The following TENT2 variants were observed in gnomAD, a reference collection of about 807,000 sequenced individuals.
TENT2 encodes the protein poly(A) RNA polymerase GLD2.
TENT2 carries 44 observed loss-of-function variants against 72.2 expected under a neutral mutation model. The observed-to-expected ratio is 0.61, with a 90% CI of 0.48 to 0.78. The LOEUF (loss-of-function observed/expected upper bound fraction) is 0.78, where lower values mean the gene tolerates loss of function less well. Among genes scored for constraint, TENT2 ranks in the 30% least tolerant of loss-of-function variants. The probability of loss-of-function intolerance (pLI) is 0.00; values close to 1 mark genes in which losing one functional copy is unlikely to be tolerated. For missense variants in TENT2, 541 were observed against 569.6 expected, an observed-to-expected ratio of 0.95 and a Z score of 0.51; for synonymous variants, 212 against 192.5, an observed-to-expected ratio of 1.10 and a Z score of -0.84.
chr5:79,669,594 G>A (rs1166550542), intron 12 of TENT2, among the ~76,000 whole-genome samples: 1 of 152,110 alleles, frequency 6.6e-6, no homozygotes, highest in Middle Eastern at 3.2e-3. Flanking sequence ...AGAGAGTGGA[G>A]TTAGGAGTTA....
At chr5:79,621,848 A>G (rs1184802086) in intron 3 of TENT2, among the ~76,000 whole-genome samples, 1 of 152,144 alleles carries the variant, frequency 6.6e-6, no homozygotes, top group Non-Finnish European at 1.5e-5. Flanking sequence ...ATTAGAAGAT[A>G]TTCAGCATAT....
At chr5:79,683,457 C>T (rs1823807564) in intron 14 of TENT2, among the ~76,000 whole-genome samples, 1 of 152,028 alleles carries the variant, frequency 6.6e-6, no homozygotes, top group Non-Finnish European at 1.5e-5. Flanking sequence ...GTGCAGTGAG[C>T]TGTGATTGTG....
intron 11 of TENT2, among the ~76,000 whole-genome samples, chr5:79,659,553 A>AAAAATAT (rs1554086793): frequency 7.4e-5 from 2 of 26,856 alleles, no homozygotes; most frequent in Non-Finnish European, 5.6e-5. Flanking sequence ...AAAAAAAAAA[A>AAAAATAT]ATGTATATAT....
In TENT2 at chr5:79,649,132, C is replaced by G; in HGVS notation, c.969C>G (p.Ala323=). 1 of 1,613,382 alleles carries G rather than the reference C, an allele frequency of 6.2e-7. No homozygotes were observed. Among genetic ancestry groups the G allele is most frequent in the Non-Finnish European group, 8.5e-7 (1 of 1,179,592 alleles). ...KWASHHQIND[A]SRGTLSSYSL... is the part of the protein sequence containing the mutation. The stretch of plus-strand genomic sequence containing the variant: ...CAAGTCACCATCAGATAAATGATGC[C>G]AGTCGTGGTACTTTAAGCAGCTATA... The change falls in exon 10 of 15, where the codon GCC becomes GCG. Residue 323 remains alanine, a synonymous_variant. Coordinates refer to ENST00000453514, the MANE Select transcript of TENT2 (RefSeq NM_001114394.3).
intron 11 of TENT2, among the ~76,000 whole-genome samples, chr5:79,661,088 G>A (rs141445360): frequency 1.5e-3 from 235 of 152,236 alleles, no homozygotes; most frequent in African/African-American, 5.5e-3. Context: ...TGTATTTTAA[G>A]CTGTGTTGTT....
At chr5:79,639,895 A>G (rs538591884) in intron 4 of TENT2, among the ~76,000 whole-genome samples, 30 of 152,310 alleles carry the variant, frequency 2.0e-4, no homozygotes, top group African/African-American at 6.7e-4. Flanking sequence ...CATTTCAGAT[A>G]GGGAAATCAC....
In TENT2 at chr5:79,625,111, A is replaced by G. The variant is rs145148959; in HGVS notation, c.465+1622A>G. On this transcript the variant is annotated intron_variant, in intron 4 of 14. Coordinates refer to ENST00000453514, the MANE Select transcript of TENT2 (RefSeq NM_001114394.3). The stretch of plus-strand genomic sequence containing the variant: ...GCCATTCTAGTGGGTATGAAATGGT[A>G]TCTCATCATGTTTTGGATTTGCATT... 2.1e-3 allele frequency among the ~76,000 whole-genome samples: 326 copies of G among 152,280 alleles called. 3 individuals carry two copies. The highest frequency in any genetic ancestry group is 7.4e-3 in the African/African-American group (309 of 41,548).
chr5:79,647,634 T>A (rs910980879), intron 8 of TENT2, among the ~76,000 whole-genome samples: 1 of 152,198 alleles, frequency 6.6e-6, no homozygotes, highest in Non-Finnish European at 1.5e-5. Flanking sequence ...ATGGTAGATT[T>A]CAAATTTTAT....
chr5:79,676,225 T>G (rs2150833983), intron 12 of TENT2, among the ~76,000 whole-genome samples: 1 of 151,780 alleles, frequency 6.6e-6, no homozygotes, highest in East Asian at 1.9e-4. Context: ...TTTGACTTTA[T>G]TAGACTTGAA....
At chr5:79,614,771 T>C (rs940777716) in intron 1 of TENT2, among the ~76,000 whole-genome samples, 6 of 152,242 alleles carry the variant, frequency 3.9e-5, no homozygotes, top group African/African-American at 1.2e-4. Flanking sequence ...AGTTTTACTG[T>C]ATTTTGTGAA....
At chr5:79,632,323 C>T (rs1434732180) in intron 4 of TENT2, among the ~76,000 whole-genome samples, 1 of 152,072 alleles carries the variant, frequency 6.6e-6, no homozygotes, top group East Asian at 1.9e-4. Context: ...TAAATTTTTT[C>T]ATGAGTTTTT....
chr5:79,660,919 T>C (rs981727788), intron 11 of TENT2, among the ~76,000 whole-genome samples: 6 of 152,214 alleles, frequency 3.9e-5, no homozygotes, highest in Admixed American at 3.9e-4. Flanking sequence ...ACAGTGATAG[T>C]GATGATCCCG....
intron 4 of TENT2, among the ~76,000 whole-genome samples, chr5:79,637,798 C>CTTT (rs60911107): frequency 3.1e-4 from 38 of 122,394 alleles, no homozygotes; most frequent in African/African-American, 9.6e-4. Context: ...TCCTCTTTTG[C>CTTT]TTTTTTTTTT....
At chr5:79,662,298 G>T (rs952445017) in intron 11 of TENT2, among the ~76,000 whole-genome samples, 2 of 152,160 alleles carry the variant, frequency 1.3e-5, no homozygotes, top group African/African-American at 4.8e-5. Flanking sequence ...ATCCAAAAGT[G>T]TTGGCATTAA....
intron 10 of TENT2, among the ~76,000 whole-genome samples, chr5:79,650,663 G>A (rs1793162591): frequency 1.3e-5 from 2 of 152,064 alleles, no homozygotes; most frequent in Non-Finnish European, 1.5e-5. Context: ...CTGTGTTTCT[G>A]TACTGAGGAT....
intron 11 of TENT2, among the ~76,000 whole-genome samples, chr5:79,665,893 C>T (rs1807264477): frequency 6.6e-6 from 1 of 151,902 alleles, no homozygotes; most frequent in African/African-American, 2.4e-5. Flanking sequence ...AAGTTCTGAA[C>T]CCCCTTGTCC....
chr5:79,673,890 A>G (rs1262621680), intron 12 of TENT2, among the ~76,000 whole-genome samples: 1 of 152,184 alleles, frequency 6.6e-6, no homozygotes, highest in Non-Finnish European at 1.5e-5. Context: ...GAATATATAG[A>G]TGGAAAAGAG....
intron 3 of TENT2, among the ~76,000 whole-genome samples, chr5:79,621,578 G>A (rs539069760): frequency 6.6e-6 from 1 of 151,896 alleles, no homozygotes; most frequent in East Asian, 1.9e-4. Flanking sequence ...CTAACACAGT[G>A]AAACCCCATC....
rs1756352539 is a variant in TENT2 at position 79,612,955 on chromosome 5, C to CT, written c.-156dup. ...TACATTTTGAAGAATCTTAGGACCG[C>CT]TTACTTTGCTTACTCGTTTTCTATT... On this transcript the variant is annotated 5_prime_UTR_variant, in exon 1 of 15. Coordinates refer to ENST00000453514, the MANE Select transcript of TENT2 (RefSeq NM_001114394.3). The CT allele has an allele frequency of 1.3e-5, 2 of 152,238 alleles. No individual in the cohort carries two copies. Among genetic ancestry groups the CT allele is most frequent in the South Asian group, 4.1e-4 (2 of 4,832 alleles). 9.4% of individuals were successfully genotyped at this position (152,238 alleles called of 1,614,324 possible). A position where few individuals can be genotyped will look rare whatever the true frequency, so the allele number is the denominator to read the frequency against.
Sources: allele counts gnomAD v4.1 joint callset (sites outside exome capture counted in the v4.1 genomes callset), GRCh38; gene constraint gnomAD v4.1.1; transcripts MANE v1.5; gene names NCBI Gene and HGNC (gene_info 2026-07-23, HGNC 2026-07-21).